The following RGL3 variants were observed in gnomAD, a reference collection of about 807,000 sequenced individuals.
RGL3 encodes ral guanine nucleotide dissociation stimulator like 3.
A neutral mutation model predicts 90.6 loss-of-function variants in RGL3; 85 were observed. That is an observed-to-expected ratio of 0.94 (90% confidence interval 0.79 to 1.12). RGL3 has a LOEUF of 1.12. RGL3 is among the 50% of genes most tolerant of loss of function. The pLI is 0.00. For missense variants in RGL3, 1,034 were observed against 939.2 expected, an observed-to-expected ratio of 1.10 and a Z score of -1.32; for synonymous variants, 408 against 385.5, an observed-to-expected ratio of 1.06 and a Z score of -0.68.
chr19:11,395,423 G>A (rs317921), intron 18 of RGL3, among the ~76,000 whole-genome samples: 37 of 152,100 alleles, frequency 2.4e-4, no homozygotes, highest in Middle Eastern at 3.4e-3. Flanking sequence ...TCATGCTTCC[G>A]CGGCTATCCA....
rs1292778995 is a variant in RGL3 at position 11,419,035 on chromosome 19, A to G, written c.33+211T>C. ...GCCCAGTCTAATAGAACCTGTCTCT[A>G]GCTCTTTCTGCCGACTGCGCTCAGA... On this transcript the variant is annotated intron_variant, in intron 1 of 18. Transcript: ENST00000380456. 4.5e-6 allele frequency: 3 copies of G among 659,826 alleles called. No homozygotes were observed. The Admixed American group carries it at 7.8e-5, about 17-fold the overall frequency. The allele number at this position is 659,826 out of a possible 1,614,324, so 40.9% of individuals were successfully genotyped here. A position where few individuals can be genotyped will look rare whatever the true frequency, so the allele number is the denominator to read the frequency against.
At position 11,417,025 on chromosome 19, in the gene RGL3, T is replaced by G. The variant is rs147105093; in HGVS notation, c.182A>C (p.Tyr61Ser). Residue 61 changes from tyrosine (Y) to serine (S), a missense_variant, in exon 3 of 19, where the codon TAT (tyrosine) becomes TCT (serine). Transcript: ENST00000380456. ...PSPIANTFLH[Y>S]RTSKVRVLRA... ...CAGCACCCTCACCTTGCTGGTTCGATAGTGGAGGAAGGTATTGGCAATGGG... is the reference window on the plus strand; with the variant it reads ...CAGCACCCTCACCTTGCTGGTTCGAGAGTGGAGGAAGGTATTGGCAATGGG... 8 of 1,611,370 alleles carry G rather than the reference T, an allele frequency of 5.0e-6. No individual in the cohort carries two copies. The highest frequency in any genetic ancestry group is 6.8e-6 in the Non-Finnish European group (8 of 1,178,592).
At position 11,394,427 on chromosome 19, in the gene RGL3, TTCCG is replaced by T; in HGVS notation, c.2104_2107del (p.Arg702ThrfsTer105). On this transcript the variant is annotated frameshift_variant, in exon 19 of 19. Coordinates refer to ENST00000380456, the MANE Select transcript of RGL3 (RefSeq NM_001035223.4). LOFTEE classifies it low-confidence loss of function (END_TRUNC). ...TCAGCTTGGGGAGACAGACAGAGTG[TTCCG>T]GGTCCCCTCTTTCCGCCGCAGCATG... is the stretch of plus-strand genomic sequence containing the variant. The T allele has an allele frequency of 6.2e-7, 1 of 1,613,804 alleles. No individual in the cohort carries two copies. Among genetic ancestry groups the T allele is most frequent in the Non-Finnish European group, 8.5e-7 (1 of 1,179,858 alleles).
chr19:11,397,171 C>G, intron 18 of RGL3, 73 bp downstream of exon 18: 1 of 1,302,234 alleles, frequency 7.7e-7, no homozygotes, highest in Non-Finnish European at 1.1e-6. Flanking sequence ...CCTTGGGCTC[C>G]ATCCTTGGGC....
chr19:11,400,305 G>T lies in RGL3; in HGVS notation c.1485-8C>A. Reference sequence around the variant, plus strand: ...ACCCGGGAGAGCCGGTAGCTGAGGGGTCAATATGTGGATGAGGTGGTGGGG... The same window carrying T: ...ACCCGGGAGAGCCGGTAGCTGAGGGTTCAATATGTGGATGAGGTGGTGGGG... On this transcript the variant is annotated splice_polypyrimidine_tract_variant and splice_region_variant and intron_variant, in intron 13 of 18. Transcript: ENST00000380456. The T allele has an allele frequency of 1.3e-6, 2 of 1,570,816 alleles. No homozygotes were observed. The highest frequency in any genetic ancestry group is 1.7e-6 in the Non-Finnish European group (2 of 1,158,072).
chr19:11,400,403 C>T, intron 13 of RGL3, 106 bp from the exon 14 acceptor site: 2 of 908,754 alleles, frequency 2.2e-6, no homozygotes, highest in Non-Finnish European at 3.1e-6. Flanking sequence ...TAAGGGGGAG[C>T]AGCCAGAGGT....
In RGL3 at chr19:11,402,436, C is replaced by A; in HGVS notation, c.1329+19G>T. 1 of 1,594,722 alleles carries A rather than the reference C, an allele frequency of 6.3e-7. No homozygotes were observed. Among genetic ancestry groups the A allele is most frequent in the South Asian group, 1.1e-5 (1 of 88,920 alleles). On this transcript the variant is annotated intron_variant, in intron 11 of 18. Coordinates refer to ENST00000380456, the MANE Select transcript of RGL3 (RefSeq NM_001035223.4). ...GGCAAGTGGAGCTGGGGTCAGGGGT[C>A]AAGGGTCAGGGGTCAGACCTCCAAC...
intron 18 of RGL3, among the ~76,000 whole-genome samples, chr19:11,396,159 T>TATATATA (rs1491194960): frequency 2.3e-4 from 6 of 26,500 alleles, no homozygotes; most frequent in Admixed American, 3.5e-4. Context: ...TATATATATA[T>TATATATA]TTTTTTTTTT....
chr19:11,406,309 C>G, intron 7 of RGL3, 110 bp downstream of exon 7: 1 of 1,137,600 alleles, frequency 8.8e-7, no homozygotes, highest in Non-Finnish European at 1.2e-6. Flanking sequence ...CAACTTTCCA[C>G]CCCGTTCCCT....
In RGL3 at chr19:11,416,084, CA is replaced by C. The variant is rs772221218; in HGVS notation, c.489del (p.Ala164ProfsTer92). On this transcript the variant is annotated frameshift_variant, in exon 5 of 19. Coordinates refer to ENST00000380456, the MANE Select transcript of RGL3 (RefSeq NM_001035223.4). LOFTEE classifies it high-confidence loss of function. ...QDHPQDFRDH[P>X]AHSDLGSVRT... The stretch of plus-strand genomic sequence containing the variant: ...CGGACACTGCCCAGGTCCGAATGGG[CA>C]GGGTGGTCTCGGAAATCCTGAGGGT... The C allele has an allele frequency of 4.3e-6, 7 of 1,610,036 alleles. No homozygotes were observed. Among genetic ancestry groups the C allele is most frequent in the East Asian group, 2.2e-5 (1 of 44,814 alleles).
rs1369583386 is a variant in RGL3 at position 11,414,080 on chromosome 19, T to G, written c.637+1857A>C. ...TAATTTAAATAGCGACAGGGGCTAG[T>G]GGATACCACAGTGAACTATGGAGCT... On this transcript the variant is annotated intron_variant, in intron 5 of 18. Coordinates refer to ENST00000380456, the MANE Select transcript of RGL3 (RefSeq NM_001035223.4). Among the ~76,000 whole-genome samples, 3 of 137,142 alleles carry G rather than the reference T, an allele frequency of 2.2e-5. No homozygotes were observed. In the East Asian group the frequency reaches 6.3e-4, roughly 29 times the overall value. The allele number at this position is 137,142 out of a possible 152,430, so 90.0% of individuals were successfully genotyped here. A position where few individuals can be genotyped will look rare whatever the true frequency, so the allele number is the denominator to read the frequency against.
At chr19:11,400,727 C>T (rs1450863143) in intron 13 of RGL3, among the ~76,000 whole-genome samples, 3 of 151,780 alleles carry the variant, frequency 2.0e-5, no homozygotes, top group East Asian at 1.9e-4. Context: ...TGGTAGCTCG[C>T]GCCTGTAATT....
At chr19:11,395,559 C>G (rs1015842495) in intron 18 of RGL3, among the ~76,000 whole-genome samples, 2 of 152,224 alleles carry the variant, frequency 1.3e-5, no homozygotes, top group African/African-American at 4.8e-5. Flanking sequence ...CCTGAACAAT[C>G]TCATGATGCT....
At chr19:11,418,822 C>T in intron 1 of RGL3, 38 bp from the exon 2 acceptor site, 2 of 1,503,292 alleles carry the variant, frequency 1.3e-6, no homozygotes, top group Non-Finnish European at 1.8e-6. Flanking sequence ...CAAAGGGGCA[C>T]AGGTCCTGGG....
intron 18 of RGL3, 54 bp from the exon 19 acceptor site, chr19:11,394,574 C>T: frequency 7.2e-7 from 1 of 1,381,166 alleles, no homozygotes; most frequent in Non-Finnish European, 1.0e-6. Context: ...GTGTCACCCC[C>T]ACAGAGGACC....
At chr19:11,398,905 G>C (rs73510690) in intron 16 of RGL3, among the ~76,000 whole-genome samples, 1 of 151,752 alleles carries the variant, frequency 6.6e-6, no homozygotes, top group African/African-American at 2.4e-5. Flanking sequence ...TCTTGACCTC[G>C]TGATCCGCCC....
intron 13 of RGL3, among the ~76,000 whole-genome samples, chr19:11,400,938 T>C (rs907779227): frequency 7.2e-5 from 11 of 151,764 alleles, no homozygotes; most frequent in Admixed American, 5.9e-4. Flanking sequence ...CAGGTCACCA[T>C]TGGGGTCAAT....
chr19:11,395,460 G>A (rs899555072), intron 18 of RGL3, among the ~76,000 whole-genome samples: 1 of 152,130 alleles, frequency 6.6e-6, no homozygotes, highest in Non-Finnish European at 1.5e-5. Context: ...CCCAAGTTCA[G>A]ATAACTTCAG....
At chr19:11,407,516 G>A (rs1202395880) in intron 5 of RGL3, among the ~76,000 whole-genome samples, 3 of 151,968 alleles carry the variant, frequency 2.0e-5, no homozygotes, top group South Asian at 4.1e-4. Context: ...AGAAAATAGA[G>A]CTTTATGATT....
Sources: gnomAD v4.1 joint callset for allele counts (sites outside exome capture counted in the v4.1 genomes callset) on GRCh38, gnomAD v4.1.1 for gene constraint, MANE v1.5 for transcripts, NCBI Gene and HGNC (gene_info 2026-07-23, HGNC 2026-07-21) for gene names.